SLC25A12: variants seen among roughly 807,000 people sequenced by gnomAD.
The protein encoded by SLC25A12 is electrogenic aspartate/glutamate antiporter SLC25A12, mitochondrial.
SLC25A12 carries 32 observed loss-of-function variants against 83.3 expected under a neutral mutation model. The ratio of observed to expected loss-of-function variants is 0.38; its 90% CI spans 0.29 to 0.52. The LOEUF is 0.52. SLC25A12 is among the 20% of genes least tolerant of loss of function. The pLI, the probability that SLC25A12 is intolerant of heterozygous loss-of-function variation, is 0.84. For synonymous variants in SLC25A12, 267 were observed against 291.1 expected, an observed-to-expected ratio of 0.92 and a Z score of 0.84; for missense variants, 611 against 835.6, an observed-to-expected ratio of 0.73 and a Z score of 3.31.
rs544679613 is a variant in SLC25A12 at position 171,891,040 on chromosome 2, C to T, written c.66+2165G>A. Among the ~76,000 whole-genome samples the T allele has an allele frequency of 2.6e-5, 4 of 152,320 alleles. No homozygotes were observed. The East Asian group carries it at 5.8e-4, about 22-fold the overall frequency. On this transcript the variant is annotated intron_variant, in intron 2 of 17. Transcript: ENST00000422440. ...TCAAAGAATCGGCCAGGCATGGTGG[C>T]TCACGCCTGTAATCCCAGCACTTTG...
At chr2:171,876,265 C>A (rs925696717) in intron 2 of SLC25A12, among the ~76,000 whole-genome samples, 1 of 152,060 alleles carries the variant, frequency 6.6e-6, no homozygotes, top group African/African-American at 2.4e-5. Flanking sequence ...AGGAAAAAAG[C>A]ATAAGTTTTC....
At chr2:171,820,536 G>T (rs1408197992) in intron 9 of SLC25A12, among the ~76,000 whole-genome samples, 1 of 143,010 alleles carries the variant, frequency 7.0e-6, no homozygotes, top group Non-Finnish European at 1.5e-5. Flanking sequence ...AGACCATGCC[G>T]GCTAAAACGG....
At position 171,793,778 on chromosome 2, in the gene SLC25A12, G is replaced by C. The variant is rs763410632; in HGVS notation, c.1306-11C>G. ...CTGAGAGCCTCCAGCCTGTAGGCAA[G>C]GGAGAAGAGACAGGCAGATTCCACA... On this transcript the variant is annotated splice_polypyrimidine_tract_variant and intron_variant, in intron 13 of 17. Transcript: ENST00000422440. 2.5e-6 allele frequency: 4 copies of C among 1,614,084 alleles called. No homozygotes were observed. The highest frequency in any genetic ancestry group is 3.4e-6 in the Non-Finnish European group (4 of 1,179,962).
intron 2 of SLC25A12, among the ~76,000 whole-genome samples, chr2:171,877,519 G>T (rs1026131383): frequency 6.6e-6 from 1 of 151,760 alleles, no homozygotes; most frequent in African/African-American, 2.4e-5. Context: ...ACAAAAATTA[G>T]CCAGGCCTGA....
chr2:171,813,281 A>C, intron 11 of SLC25A12, 58 bp downstream of exon 11: 1 of 1,589,998 alleles, frequency 6.3e-7, no homozygotes. Flanking sequence ...AGTGAGTTAA[A>C]ATCTGCTGCT....
Position 171,887,518 on chromosome 2 carries a change from A to C in SLC25A12, c.66+5687T>G, listed in dbSNP as rs576821631. Among the ~76,000 whole-genome samples the C allele has an allele frequency of 8.6e-4, 131 of 152,326 alleles. 1 individual carries two copies. The highest frequency in any genetic ancestry group is 1.6e-3 in the Non-Finnish European group (111 of 68,018). ...TAATTCATTTAAATGTTTTTGATAA[A>C]TCTACTTTGCCACAAGGGACAGACA... On this transcript the variant is annotated intron_variant, in intron 2 of 17. Transcript: ENST00000422440.
intron 2 of SLC25A12, among the ~76,000 whole-genome samples, chr2:171,875,722 G>T (rs912142604): frequency 6.6e-6 from 1 of 151,956 alleles, no homozygotes; most frequent in African/African-American, 2.4e-5. Context: ...GACCATCCTG[G>T]CTAACATGGT....
Position 171,809,676 on chromosome 2 carries a change from A to G in SLC25A12, c.1235T>C (p.Phe412Ser), listed in dbSNP as rs1179454976. The G allele has an allele frequency of 6.2e-7, 1 of 1,613,570 alleles. No homozygotes were observed. Residue 412 changes from phenylalanine (F) to serine (S), a missense_variant, in exon 13 of 18, where the codon TTT (phenylalanine) becomes TCT (serine). This residue lies in a region of SLC25A12 where 540 missense variants were observed against 777.5 expected (regional missense o/e 0.69). Coordinates refer to ENST00000422440, the MANE Select transcript of SLC25A12 (RefSeq NM_003705.5). ...EKAIKLTVND[F>S]VRDKFTRRDG... ...TCTTCTGGTAAATTTGTCCCGAACA[A>G]AATCATTAACCTAATTAGAAAGACA... is the stretch of plus-strand genomic sequence containing the variant.
chr2:171,799,825 A>G (rs1683673146), intron 13 of SLC25A12, among the ~76,000 whole-genome samples: 1 of 152,242 alleles, frequency 6.6e-6, no homozygotes, highest in Non-Finnish European at 1.5e-5. Context: ...GTGTGTTCGC[A>G]TAGGGTTGTG....
In SLC25A12 at chr2:171,825,200, G is replaced by T. The variant is rs74393286; in HGVS notation, c.930+1598C>A. 5.0e-3 allele frequency among the ~76,000 whole-genome samples: 768 copies of T among 152,244 alleles called. 12 individuals carry two copies. Among genetic ancestry groups the T allele is most frequent in the Middle Eastern group, 6.8e-3 (2 of 294 alleles). On this transcript the variant is annotated intron_variant, in intron 9 of 17. Coordinates refer to ENST00000422440, the MANE Select transcript of SLC25A12 (RefSeq NM_003705.5). ...GAGTTACAACATATTTTAATCTGTAGGAAGCTTTATTACACATCAAGCAAA... is the reference window on the plus strand; with the variant it reads ...GAGTTACAACATATTTTAATCTGTATGAAGCTTTATTACACATCAAGCAAA...
chr2:171,893,155 G>T, intron 2 of SLC25A12, 50 bp downstream of exon 2: 2 of 1,447,216 alleles, frequency 1.4e-6, no homozygotes, highest in Non-Finnish European at 1.9e-6. Context: ...CTAAGGACAT[G>T]TACGTTTTTT....
intron 2 of SLC25A12, among the ~76,000 whole-genome samples, chr2:171,884,301 C>T (rs1685765026): frequency 6.6e-6 from 1 of 151,496 alleles, no homozygotes; most frequent in Admixed American, 6.6e-5. Context: ...AGCAATTCTC[C>T]CACCTCAGCC....
chr2:171,873,951 C>A (rs1399061348), intron 2 of SLC25A12, among the ~76,000 whole-genome samples: 1 of 152,042 alleles, frequency 6.6e-6, no homozygotes, highest in African/African-American at 2.4e-5. Context: ...CCTGGCCAGG[C>A]GCGGTGGCTC....
chr2:171,823,816 A>G (rs1345703415), intron 9 of SLC25A12, among the ~76,000 whole-genome samples: 1 of 152,070 alleles, frequency 6.6e-6, no homozygotes, highest in East Asian at 1.9e-4. Context: ...TTAGCTGAGC[A>G]TGGTGGTGTA....
intron 8 of SLC25A12, 135 bp downstream of exon 8, chr2:171,833,828 G>T: frequency 3.6e-6 from 2 of 559,710 alleles, no homozygotes; most frequent in South Asian, 2.3e-5. Flanking sequence ...GTCTTTCTTG[G>T]AATTTATATT....
In SLC25A12 at chr2:171,828,488, A is replaced by G. The variant is rs76209736; in HGVS notation, c.846-1606T>C. On this transcript the variant is annotated intron_variant, in intron 8 of 17. Transcript: ENST00000422440. ...AACTTGCTGAGGACTTTTGGGGCCC[A>G]CAATCTTTAGAATACATTCTACATC... Among the ~76,000 whole-genome samples the G allele has an allele frequency of 2.0e-3, 308 of 152,290 alleles. 2 individuals carry two copies. The highest frequency in any genetic ancestry group is 7.1e-3 in the African/African-American group (296 of 41,558).
chr2:171,833,864 G>T, intron 8 of SLC25A12, 99 bp downstream of exon 8: 2 of 749,420 alleles, frequency 2.7e-6, no homozygotes, highest in Non-Finnish European at 4.8e-6. Flanking sequence ...TCAAATACAT[G>T]GAAAAAACTC....
At chr2:171,804,235 G>T (rs535190841) in intron 13 of SLC25A12, among the ~76,000 whole-genome samples, 2 of 151,140 alleles carry the variant, frequency 1.3e-5, no homozygotes, top group Non-Finnish European at 3.0e-5. Context: ...CTTACAAAAG[G>T]CCACATATCA....
intron 2 of SLC25A12, among the ~76,000 whole-genome samples, chr2:171,888,383 G>C (rs559085359): frequency 1.5e-4 from 22 of 151,502 alleles, no homozygotes; most frequent in Admixed American, 2.6e-4. Context: ...ACAGGTATGA[G>C]CTGCCGCACC....
Sources: allele counts gnomAD v4.1 joint callset (sites outside exome capture counted in the v4.1 genomes callset), GRCh38; gene constraint gnomAD v4.1.1; regional missense constraint gnomAD v4.1.1; transcripts MANE v1.5; gene names NCBI Gene and HGNC (gene_info 2026-07-23, HGNC 2026-07-21).